The following ARFGEF1 variants were observed in gnomAD, a reference collection of about 807,000 sequenced individuals.
The protein encoded by ARFGEF1 is ARF guanine nucleotide exchange factor 1, also known as brefeldin A-inhibited guanine nucleotide-exchange protein 1.
In ARFGEF1, 42 loss-of-function variants were observed where a neutral mutation model predicts 231.0. The ratio of observed to expected loss-of-function variants is 0.18; its 90% CI spans 0.14 to 0.24. The LOEUF is 0.24. Ranked by LOEUF, ARFGEF1 falls within the 10% of genes least tolerant of loss-of-function variation. The probability of loss-of-function intolerance (pLI) is 1.00; values close to 1 mark genes in which losing one functional copy is unlikely to be tolerated. For synonymous variants in ARFGEF1, 710 were observed against 732.3 expected (o/e 0.97, Z 0.49); for missense variants, 1,345 against 2,192.0 (o/e 0.61, Z 7.72).
intron 5 of ARFGEF1, among the ~76,000 whole-genome samples, chr8:67,185,773 TG>T (rs1197006260): frequency 6.6e-6 from 1 of 151,804 alleles, no homozygotes; most frequent in East Asian, 1.9e-4. Flanking sequence ...ATGAGGAAGC[TG>T]AAGAAAAAGC....
At chr8:67,282,157 G>A (rs1805562687) in intron 7 of ARFGEF1, among the ~76,000 whole-genome samples, 2 of 151,918 alleles carry the variant, frequency 1.3e-5, no homozygotes, top group Non-Finnish European at 2.9e-5. Flanking sequence ...AATTGAAGAG[G>A]GAGGCCTTGC....
intron 5 of ARFGEF1, chr8:67,175,635 A>G: frequency 2.9e-6 from 2 of 695,714 alleles, no homozygotes; most frequent in South Asian, 3.0e-5. Flanking sequence ...AGGGTGGTGT[A>G]TTCATGCATG....
rs752409370 is a variant in ARFGEF1, at chr8:67,292,082, C to T, written c.681G>A (p.Gln227=). The change falls in exon 6 of 39, where the codon CAG becomes CAA. Residue 227 remains glutamine (Q), a synonymous_variant. Coordinates refer to ENST00000262215, the MANE Select transcript of ARFGEF1 (RefSeq NM_006421.5). The part of the protein sequence containing the change: ...AKQMEKERHR[Q]HHHLLQSPVS... ...CTGGAGACTGTAACAGATGATGATG[C>T]TGCCGATGCCTTTCTTTTTCCATTT... 5 of 1,613,452 alleles carry T rather than the reference C, an allele frequency of 3.1e-6. No individual in the cohort carries two copies. The highest frequency in any genetic ancestry group is 3.3e-5 in the Admixed American group (2 of 59,950).
chr8:67,236,367 T>TATATATATAC (rs1839761931), intron 22 of ARFGEF1, among the ~76,000 whole-genome samples: 1 of 20,986 alleles, frequency 4.8e-5, no homozygotes, highest in Non-Finnish European at 7.9e-5. Flanking sequence ...AAAAAAAAAA[T>TATATATATAC]ATATATATAT....
At chr8:67,334,988 A>G (rs2128935824) in intron 1 of ARFGEF1, among the ~76,000 whole-genome samples, 1 of 152,336 alleles carries the variant, frequency 6.6e-6, no homozygotes, top group Non-Finnish European at 1.5e-5. Context: ...ATTTACCAAA[A>G]ATCATTACAC....
rs1474766861 is a variant in ARFGEF1 at position 67,343,510 on chromosome 8, C to T, written c.-223G>A. The T allele has an allele frequency of 4.1e-6, 5 of 1,219,294 alleles. No homozygotes were observed. In the African/African-American group the frequency reaches 7.9e-5, roughly 19 times the overall value. 75.5% of individuals were successfully genotyped at this position (1,219,294 alleles called of 1,614,324 possible). A position where few individuals can be genotyped will look rare whatever the true frequency, so the allele number is the denominator to read the frequency against. On this transcript the variant is annotated 5_prime_UTR_variant, in exon 1 of 39. Coordinates refer to ENST00000262215, the MANE Select transcript of ARFGEF1 (RefSeq NM_006421.5). ...CCTCGCCGCCCCCAAGAAGCCGTACCTCGAGGGCCGCGCCCGTCGGGCCTC... is the reference window on the plus strand; with the variant it reads ...CCTCGCCGCCCCCAAGAAGCCGTACTTCGAGGGCCGCGCCCGTCGGGCCTC...
chr8:67,283,303 A>G (rs887710527), intron 7 of ARFGEF1, among the ~76,000 whole-genome samples: 5 of 152,196 alleles, frequency 3.3e-5, no homozygotes, highest in African/African-American at 1.2e-4. Flanking sequence ...ATATCACACC[A>G]ATGTTTATAA....
In ARFGEF1 at chr8:67,343,440, C is replaced by G; in HGVS notation, c.-153G>C. 7.3e-7 allele frequency: 1 copy of G among 1,366,416 alleles called. No individual in the cohort carries two copies. The highest frequency in any genetic ancestry group is 1.8e-5 in the South Asian group (1 of 55,878). The allele number at this position is 1,366,416 out of a possible 1,614,324, so 84.6% of individuals were successfully genotyped here. A position where few individuals can be genotyped will look rare whatever the true frequency, so the allele number is the denominator to read the frequency against. ...GGGCAGCGGCAGGATCAGGAAGGGG[C>G]GGGCGAGCGGGACCAGCCGCGGTGT... On this transcript the variant is annotated 5_prime_UTR_variant, in exon 1 of 39. Coordinates refer to ENST00000262215, the MANE Select transcript of ARFGEF1 (RefSeq NM_006421.5).
rs1458972092 is a variant in ARFGEF1, at chr8:67,277,383, C to T, written c.1102G>A (p.Glu368Lys). Residue 368 changes from glutamate (E) to lysine (K), a missense_variant, in exon 8 of 39, where the codon GAA becomes AAA. Glu to Lys is a moderately conservative substitution (Grantham distance 56, BLOSUM62 1). Transcript: ENST00000262215. ...IGTIEDGSDS[E>K]NIQANGIPGT... ...GGAATTCCATTTGCTTGAATATTTT[C>T]ACTGTCACTACCATCCTCTATAGTT... 2 of 1,613,604 alleles carry T rather than the reference C, an allele frequency of 1.2e-6. No homozygotes were observed. The highest frequency in any genetic ancestry group is 1.3e-5 in the African/African-American group (1 of 74,878).
At chr8:67,290,147 A>C (rs1805945799) in intron 6 of ARFGEF1, among the ~76,000 whole-genome samples, 1 of 152,232 alleles carries the variant, frequency 6.6e-6, no homozygotes, top group African/African-American at 2.4e-5. Context: ...CTATTGGGAG[A>C]AAAACATCTT....
intron 5 of ARFGEF1, among the ~76,000 whole-genome samples, chr8:67,295,108 AT>A (rs1806172707): frequency 6.6e-6 from 1 of 152,220 alleles, no homozygotes; most frequent in East Asian, 1.9e-4. Context: ...GTGATTACAG[AT>A]TGATATAAAT....
intron 1 of ARFGEF1, among the ~76,000 whole-genome samples, chr8:67,331,086 G>A (rs568059173): frequency 8.6e-5 from 13 of 151,834 alleles, no homozygotes; most frequent in African/African-American, 2.9e-4. Flanking sequence ...AAGAAACAAC[G>A]AAGACTAGTC....
intron 27 of ARFGEF1, 119 bp downstream of exon 27, chr8:67,227,018 A>G: frequency 1.1e-6 from 1 of 890,200 alleles, no homozygotes; most frequent in Non-Finnish European, 1.6e-6. Context: ...CTGGTTCTGT[A>G]GACAAAGCTT....
chr8:67,318,512 A>G (rs1807432882), intron 1 of ARFGEF1, among the ~76,000 whole-genome samples: 1 of 152,214 alleles, frequency 6.6e-6, no homozygotes, highest in Non-Finnish European at 1.5e-5. Context: ...GAAATACAAC[A>G]GTTCTTATTC....
chr8:67,238,508 G>C lies in ARFGEF1; in HGVS notation c.3139-15C>G. On this transcript the variant is annotated splice_polypyrimidine_tract_variant and intron_variant, in intron 21 of 38. Coordinates refer to ENST00000262215, the MANE Select transcript of ARFGEF1 (RefSeq NM_006421.5). ...CACTTCAGAATCTTAATTACAAAAAGGAAAAAAATGTTAAATTCCATGTTA... is the reference window on the plus strand; with the variant it reads ...CACTTCAGAATCTTAATTACAAAAACGAAAAAAATGTTAAATTCCATGTTA... 6.3e-7 allele frequency: 1 copy of C among 1,578,570 alleles called. No individual in the cohort carries two copies. The highest frequency in any genetic ancestry group is 8.6e-7 in the Non-Finnish European group (1 of 1,169,554).
rs755768779 is a variant in ARFGEF1 at position 67,200,234 on chromosome 8, G to A, written c.5385+162C>T. The A allele has an allele frequency of 2.3e-5, 16 of 689,160 alleles. No homozygotes were observed. In the African/African-American group the frequency reaches 2.6e-4, roughly 11 times the overall value. 42.7% of individuals were successfully genotyped at this position (689,160 alleles called of 1,614,324 possible). ...AAGGGGGGAGAAAAGCAAGGACTGA[G>A]GAAGATACAGCAAGGCCACTGGTGG... On this transcript the variant is annotated intron_variant, in intron 38 of 38. Transcript: ENST00000262215.
At chr8:67,177,817 A>AC in intron 5 of ARFGEF1, 1 of 889,014 alleles carries the variant, frequency 1.1e-6, no homozygotes, top group Non-Finnish European at 1.9e-6. Context: ...ATTTTGAATT[A>AC]TTCAGGAATA....
chr8:67,222,301 T>C (rs1839225329), intron 29 of ARFGEF1, among the ~76,000 whole-genome samples: 1 of 148,748 alleles, frequency 6.7e-6, no homozygotes. Context: ...AGTCTTATAC[T>C]GTCACCCTGG....
intron 5 of ARFGEF1, chr8:67,179,983 A>C: frequency 1.0e-6 from 1 of 959,664 alleles, no homozygotes; most frequent in Non-Finnish European, 1.7e-6. Flanking sequence ...CTTTCTCCAC[A>C]CTTAAAAACC....
Sources: allele counts gnomAD v4.1 joint callset (sites outside exome capture counted in the v4.1 genomes callset), GRCh38; gene constraint gnomAD v4.1.1; transcripts MANE v1.5; gene names NCBI Gene and HGNC (gene_info 2026-07-23, HGNC 2026-07-21).